The following CCDC61 variants were observed in gnomAD, a reference collection of about 807,000 sequenced individuals.
The protein encoded by CCDC61 is coiled-coil domain containing 61.
A neutral mutation model predicts 63.0 loss-of-function variants in CCDC61; 55 were observed. The observed-to-expected ratio is 0.87, with a 90% CI of 0.70 to 1.09. The LOEUF (loss-of-function observed/expected upper bound fraction) is 1.09. Ranked by LOEUF, CCDC61 falls within the 50% of genes least tolerant of loss-of-function variation. CCDC61 has a pLI of 0.00. For synonymous variants in CCDC61, 270 were observed against 317.0 expected (o/e 0.85, Z 1.58); for missense variants, 651 against 731.4 (o/e 0.89, Z 1.27).
chr19:46,016,939 C>T lies in CCDC61; in HGVS notation c.1232-52C>T. 2 of 1,555,896 alleles carry T rather than the reference C, an allele frequency of 1.3e-6. No homozygotes were observed. Among genetic ancestry groups the T allele is most frequent in the South Asian group, 1.2e-5 (1 of 84,772 alleles). On this transcript the variant is annotated intron_variant, in intron 10 of 13. Transcript: ENST00000595358. This position sits in a 1 kb window ranked among gnomAD's most constrained non-coding sequence, Gnocchi z 7.2. ...GGGCGGGCTGGGAGGGCCTGGGAAG[C>T]ACTGGGCGGGGCCAGCGAGGGCCAG... is the stretch of plus-strand genomic sequence containing the variant.
chr19:46,012,951 A>G (rs1464194065), intron 5 of CCDC61, among the ~76,000 whole-genome samples: 1 of 151,572 alleles, frequency 6.6e-6, no homozygotes, highest in Non-Finnish European at 1.5e-5. Context: ...TCCTGGGTTC[A>G]GACAACCTTC....
At chr19:46,003,559 G>A in intron 3 of CCDC61, 58 bp downstream of exon 3, 2 of 1,252,396 alleles carry the variant, frequency 1.6e-6, no homozygotes, top group Non-Finnish European at 2.3e-6. Flanking sequence ...CAGGTTCCAG[G>A]GGGGTTGATG....
chr19:46,007,237 C>T (rs1427721273), intron 4 of CCDC61, among the ~76,000 whole-genome samples: 5 of 151,976 alleles, frequency 3.3e-5, no homozygotes, highest in African/African-American at 1.2e-4. Flanking sequence ...TTAGTAGAGA[C>T]GGGGTTTTGT....
intron 3 of CCDC61, among the ~76,000 whole-genome samples, chr19:46,004,879 C>T (rs1420234113): frequency 5.9e-5 from 7 of 119,160 alleles, no homozygotes; most frequent in Non-Finnish European, 9.8e-5. Flanking sequence ...GAGTTTTGCT[C>T]GGTTGCCCAG....
chr19:45,999,297 G>A (rs1425454930), intron 1 of CCDC61, among the ~76,000 whole-genome samples: 2 of 151,956 alleles, frequency 1.3e-5, no homozygotes, highest in African/African-American at 2.4e-5. Context: ...CAATGTGGAA[G>A]GCTTTGGTCT....
chr19:46,016,274 G>A lies in CCDC61; in HGVS notation c.1016-44G>A, dbSNP rs369340867. On this transcript the variant is annotated intron_variant, in intron 8 of 13. Coordinates refer to ENST00000595358, the MANE Select transcript of CCDC61 (RefSeq NM_001267723.2). This position sits in a 1 kb window ranked among gnomAD's most constrained non-coding sequence, Gnocchi z 7.2. ...GAGGGGACGCACTGGCGCTGCCAAG[G>A]CCCGTCTCCGGACCTAGCCGCCTCC... 36 of 1,608,922 alleles carry A rather than the reference G, an allele frequency of 2.2e-5. No homozygotes were observed. Among genetic ancestry groups the A allele is most frequent in the Non-Finnish European group, 2.9e-5 (34 of 1,177,570 alleles).
intron 1 of CCDC61, among the ~76,000 whole-genome samples, chr19:45,999,106 T>C (rs1444356284): frequency 6.6e-6 from 1 of 151,976 alleles, no homozygotes; most frequent in Admixed American, 6.6e-5. Flanking sequence ...GAATTTAGGG[T>C]GAGTCATTCA....
intron 1 of CCDC61, among the ~76,000 whole-genome samples, chr19:45,997,165 C>T (rs180889925): frequency 1.0e-3 from 152 of 152,196 alleles, no homozygotes; most frequent in African/African-American, 3.5e-3. Flanking sequence ...TGTCCCTGAA[C>T]GCACTGCCAC....
Position 46,018,041 on chromosome 19 carries a change from G to T in CCDC61, c.1369-37G>T, listed in dbSNP as rs1026863123. 2 of 1,554,382 alleles carry T rather than the reference G, an allele frequency of 1.3e-6. No homozygotes were observed. Among genetic ancestry groups the T allele is most frequent in the Non-Finnish European group, 1.8e-6 (2 of 1,141,738 alleles). Reference sequence around the variant, plus strand: ...TTTAGGGGGACAGAAATAGAGGGACGGTGGGTGACCCCCTTTCCTACCTTC... The same window carrying T: ...TTTAGGGGGACAGAAATAGAGGGACTGTGGGTGACCCCCTTTCCTACCTTC... On this transcript the variant is annotated intron_variant, in intron 12 of 13. Coordinates refer to ENST00000595358, the MANE Select transcript of CCDC61 (RefSeq NM_001267723.2). The surrounding 1 kb of genome is among the most constrained non-coding windows in gnomAD (Gnocchi z 4.2).
At chr19:46,000,167 G>A (rs1968564673) in intron 1 of CCDC61, 1 of 575,286 alleles carries the variant, frequency 1.7e-6, no homozygotes, top group Non-Finnish European at 2.2e-6. Context: ...GTTCAGAGAG[G>A]GCTCTCTAAA....
intron 1 of CCDC61, among the ~76,000 whole-genome samples, chr19:45,998,180 G>C (rs1223331929): frequency 5.3e-5 from 8 of 152,214 alleles, no homozygotes; most frequent in African/African-American, 1.4e-4. Flanking sequence ...TGAACTAGGA[G>C]GGTCATGTGT....
chr19:46,016,242 C>A lies in CCDC61; in HGVS notation c.1015+19C>A. ...CCCACAGGTCTGTGCCCCTGCCCTGCGGTAGGGAGGGGACGCACTGGCGCT... is the reference window on the plus strand; with the variant it reads ...CCCACAGGTCTGTGCCCCTGCCCTGAGGTAGGGAGGGGACGCACTGGCGCT... On this transcript the variant is annotated intron_variant, in intron 8 of 13. Transcript: ENST00000595358. The surrounding 1 kb of genome is among the most constrained non-coding windows in gnomAD (Gnocchi z 7.2). The A allele has an allele frequency of 6.3e-7, 1 of 1,583,752 alleles. No individual in the cohort carries two copies. The highest frequency in any genetic ancestry group is 8.6e-7 in the Non-Finnish European group (1 of 1,165,714).
rs1288202609 is a variant in CCDC61, at chr19:46,015,057, G to T, written c.560G>T (p.Arg187Leu). Residue 187 changes from arginine to leucine, a missense_variant, in exon 6 of 14, where the codon CGC (arginine) becomes CTC (leucine). Transcript: ENST00000595358. This position sits in a 1 kb window ranked among gnomAD's most constrained non-coding sequence, Gnocchi z 5.3. ...EIWHLREQVSRLASEKRELEA... is the reference protein window; with the variant it reads ...EIWHLREQVSLLASEKRELEA... ...CTCCGCGTCTTCCCCAGGGTGTCGC[G>T]CCTGGCGTCCGAGAAGCGGGAGCTG... 3 of 1,473,900 alleles carry T rather than the reference G, an allele frequency of 2.0e-6. No individual in the cohort carries two copies. The highest frequency in any genetic ancestry group is 2.9e-5 in the African/African-American group (2 of 68,332). The allele number at this position is 1,473,900 out of a possible 1,614,324, so 91.3% of individuals were successfully genotyped here. A position where few individuals can be genotyped will look rare whatever the true frequency, so the allele number is the denominator to read the frequency against.
chr19:46,008,501 C>T (rs974149140), intron 5 of CCDC61, among the ~76,000 whole-genome samples, 200 bp downstream of exon 5: 1 of 152,144 alleles, frequency 6.6e-6, no homozygotes, highest in East Asian at 1.9e-4. Flanking sequence ...TTCCTTCTCC[C>T]GGGTTCAAGC....
At chr19:46,009,192 T>C (rs1447514563) in intron 5 of CCDC61, among the ~76,000 whole-genome samples, 1 of 152,002 alleles carries the variant, frequency 6.6e-6, no homozygotes, top group Admixed American at 6.6e-5. Flanking sequence ...GGCAAAGTCC[T>C]TGTGTTAGGT....
intron 12 of CCDC61, 117 bp downstream of exon 12, chr19:46,017,421 T>G (rs1467135909): frequency 2.2e-6 from 2 of 906,674 alleles, no homozygotes; most frequent in Admixed American, 5.5e-5. Context: ...AGGGCTTTTT[T>G]AAGAGTGCGT....
intron 1 of CCDC61, among the ~76,000 whole-genome samples, chr19:45,998,743 A>C (rs935040581): frequency 7.2e-5 from 11 of 152,230 alleles, no homozygotes; most frequent in Non-Finnish European, 1.6e-4. Context: ...GAAGCACCTT[A>C]TATACACTAA....
intron 5 of CCDC61, among the ~76,000 whole-genome samples, chr19:46,014,184 C>T (rs1600652843): frequency 6.6e-6 from 1 of 151,870 alleles, no homozygotes; most frequent in East Asian, 1.9e-4. Flanking sequence ...AGATGTGATC[C>T]ACCTGCCTCG....
chr19:46,007,337 A>G (rs1968731590), intron 4 of CCDC61, among the ~76,000 whole-genome samples: 1 of 152,324 alleles, frequency 6.6e-6, no homozygotes, highest in South Asian at 2.1e-4. Context: ...GGCATGAGCC[A>G]CCACGCCCGG....
Sources: gnomAD v4.1 joint callset for allele counts (sites outside exome capture counted in the v4.1 genomes callset) on GRCh38, gnomAD v4.1.1 for gene constraint, Gnocchi (gnomAD v3.1) non-coding constraint, MANE v1.5 for transcripts, NCBI Gene and HGNC (gene_info 2026-07-23, HGNC 2026-07-21) for gene names.